Variants in ATXN2 observed in about 807,000 individuals in gnomAD.
The protein encoded by ATXN2 is ataxin 2, also known as ataxin-2.
A neutral mutation model predicts 138.6 loss-of-function variants in ATXN2; 37 were observed. That is an observed-to-expected ratio of 0.27 (90% CI 0.21 to 0.35). The LOEUF (loss-of-function observed/expected upper bound fraction) is 0.35. ATXN2 is among the 10% of genes least tolerant of loss of function. The pLI is 1.00. For synonymous variants in ATXN2, 549 were observed against 543.7 expected (o/e 1.01, Z -0.13); for missense variants, 1,216 against 1,480.3 (o/e 0.82, Z 2.93).
chr12:111,525,873 G>A (rs543357820), intron 5 of ATXN2, among the ~76,000 whole-genome samples: 5 of 151,686 alleles, frequency 3.3e-5, no homozygotes, highest in East Asian at 1.9e-4. Context: ...TTTAGTAGAC[G>A]GGGTTTCACC....
At chr12:111,599,389 G>A, upstream of ATXN2, 3 of 1,157,810 alleles carry the variant, frequency 2.6e-6, no homozygotes, top group South Asian at 4.2e-5. Context: ...CCGCGCCACC[G>A]CCGCCCCGCC....
chr12:111,520,529 T>C (rs1880100493), intron 7 of ATXN2, among the ~76,000 whole-genome samples: 1 of 152,090 alleles, frequency 6.6e-6, no homozygotes, highest in African/African-American at 2.4e-5. Flanking sequence ...CACGCGCCTA[T>C]AGTCCCAGCT....
At chr12:111,479,835 C>T (rs962540227) in intron 18 of ATXN2, among the ~76,000 whole-genome samples, 2 of 146,002 alleles carry the variant, frequency 1.4e-5, no homozygotes, top group African/African-American at 2.6e-5. Context: ...CTCTGTTACA[C>T]GCTGTTTGAT....
At chr12:111,545,339 G>A (rs1881746533) in intron 5 of ATXN2, among the ~76,000 whole-genome samples, 1 of 151,806 alleles carries the variant, frequency 6.6e-6, no homozygotes, top group Non-Finnish European at 1.5e-5. Flanking sequence ...GCTCACGCCT[G>A]TAATCCCAGC....
chr12:111,452,920 G>A, intron 24 of ATXN2, 80 bp from the exon 25 acceptor site: 3 of 1,254,180 alleles, frequency 2.4e-6, no homozygotes, highest in South Asian at 3.1e-5. Context: ...GCACATGATT[G>A]TAAACTATCC....
chr12:111,543,460 G>A (rs1881641669), intron 5 of ATXN2, among the ~76,000 whole-genome samples: 1 of 152,054 alleles, frequency 6.6e-6, no homozygotes, highest in African/African-American at 2.4e-5. Flanking sequence ...TTGAGATGGA[G>A]TCTCGCTCTG....
chr12:111,503,638 G>A (rs1592840000), intron 14 of ATXN2, among the ~76,000 whole-genome samples: 2 of 147,266 alleles, frequency 1.4e-5, no homozygotes, highest in Admixed American at 6.8e-5. Flanking sequence ...TTCTCGCTCT[G>A]TCGCCCACTG....
chr12:111,522,279 T>A (rs1475966310), intron 6 of ATXN2, among the ~76,000 whole-genome samples: 1 of 140,694 alleles, frequency 7.1e-6, no homozygotes, highest in African/African-American at 2.6e-5. Flanking sequence ...CAGTAAAAAG[T>A]AAATGTCTTC....
intron 5 of ATXN2, among the ~76,000 whole-genome samples, chr12:111,534,008 G>GA (rs201795384): frequency 1.8e-4 from 26 of 148,078 alleles, no homozygotes; most frequent in South Asian, 6.4e-4. Context: ...CTATGTAAGA[G>GA]AAAAAAAAAC....
intron 1 of ATXN2, among the ~76,000 whole-genome samples, chr12:111,586,734 T>TC (rs1725837287): frequency 1.3e-5 from 2 of 151,760 alleles, no homozygotes; most frequent in Non-Finnish European, 2.9e-5. Flanking sequence ...TTGGCCAGAC[T>TC]GGTCTCGAAC....
At chr12:111,518,221 T>C (rs1042295990) in intron 9 of ATXN2, 28 bp downstream of exon 9, 1 of 1,510,064 alleles carries the variant, frequency 6.6e-7, no homozygotes, top group East Asian at 2.3e-5. Flanking sequence ...TTATCAATGA[T>C]ATTGACAAGT....
chr12:111,499,710 C>G (rs1215494095), intron 14 of ATXN2, among the ~76,000 whole-genome samples: 1 of 151,680 alleles, frequency 6.6e-6, no homozygotes. Flanking sequence ...GGAAGACATA[C>G]AAGGCCAGGT....
intron 16 of ATXN2, among the ~76,000 whole-genome samples, 162 bp downstream of exon 16, chr12:111,486,599 T>TAAAA (rs1325830502): frequency 2.2e-4 from 34 of 152,166 alleles, no homozygotes; most frequent in Admixed American, 6.5e-5. Flanking sequence ...GACCTTTTTT[T>TAAAA]AATGTTTAAA....
At chr12:111,591,756 TTTGTTG>T (rs60763632) in intron 1 of ATXN2, among the ~76,000 whole-genome samples, 44 of 152,094 alleles carry the variant, frequency 2.9e-4, no homozygotes, top group Admixed American at 8.5e-4. Flanking sequence ...TTTAGGATTT[TTTGTTG>T]TTGTTGTTGT....
At chr12:111,503,787 G>T (rs979826902) in intron 14 of ATXN2, among the ~76,000 whole-genome samples, 1 of 151,580 alleles carries the variant, frequency 6.6e-6, no homozygotes, top group African/African-American at 2.4e-5. Context: ...ATAGGGTTTC[G>T]CCATGTTATC....
intron 21 of ATXN2, among the ~76,000 whole-genome samples, chr12:111,462,840 A>G (rs540915551): frequency 5.5e-4 from 83 of 152,272 alleles, no homozygotes; most frequent in Non-Finnish European, 9.3e-4. Context: ...ACACACTACA[A>G]TCACAGACAT....
intron 1 of ATXN2, among the ~76,000 whole-genome samples, chr12:111,596,782 A>G (rs571269068): frequency 6.6e-6 from 1 of 152,348 alleles, no homozygotes; most frequent in East Asian, 1.9e-4. Flanking sequence ...ATTGTTGTAA[A>G]GCCTCAAGGA....
chr12:111,488,508 T>G lies in ATXN2; in HGVS notation c.2208A>C (p.Lys736Asn). Reference sequence around the variant, plus strand: ...CGTCTTTCTTCTCTTCCTTATCGTCTTTCTCTTGTTTACATGCTGGGCTGG... The same window carrying G: ...CGTCTTTCTTCTCTTCCTTATCGTCGTTCTCTTGTTTACATGCTGGGCTGG... ...QTSSPACKQE[K>N]DDKEEKKDAA... The change falls in exon 15 of 25, where the codon AAA (lysine) becomes AAC (asparagine). Residue 736 changes from lysine (K) to asparagine (N), a missense_variant. Physicochemically the swap from Lys to Asn is moderately conservative, Grantham distance 94. This residue lies in a region of ATXN2 where 490 missense variants were observed against 653.5 expected (regional missense o/e 0.75). Transcript: ENST00000673436. 1 of 1,613,758 alleles carries G rather than the reference T, an allele frequency of 6.2e-7. No homozygotes were observed. The highest frequency in any genetic ancestry group is 8.5e-7 in the Non-Finnish European group (1 of 1,179,768).
At chr12:111,466,644 T>C (rs568864605) in intron 20 of ATXN2, among the ~76,000 whole-genome samples, 1 of 152,348 alleles carries the variant, frequency 6.6e-6, no homozygotes, top group East Asian at 1.9e-4. Context: ...AGCATATGTG[T>C]ATTAAACATA....
Sources: allele counts gnomAD v4.1 joint callset (sites outside exome capture counted in the v4.1 genomes callset), GRCh38; gene constraint gnomAD v4.1.1; regional missense constraint gnomAD v4.1.1; transcripts MANE v1.5; gene names NCBI Gene and HGNC (gene_info 2026-07-23, HGNC 2026-07-21).